INO80: variants seen among roughly 807,000 people sequenced by gnomAD.
INO80 encodes INO80 complex ATPase subunit.
In INO80, 20 loss-of-function variants were observed where a neutral mutation model predicts 203.4. That is an observed-to-expected ratio of 0.10 (90% CI 0.07 to 0.14). The LOEUF is 0.14. Among genes scored for constraint, INO80 ranks in the 10% least tolerant of loss-of-function variants. The pLI is 1.00. For missense variants in INO80, 1,419 were observed against 1,914.4 expected (o/e 0.74, Z 4.83); for synonymous variants, 726 against 685.2 (o/e 1.06, Z -0.93).
intron 4 of INO80, among the ~76,000 whole-genome samples, chr15:41,092,407 G>A (rs540304967): frequency 1.3e-5 from 2 of 152,210 alleles, no homozygotes. Context: ...CATGTTATCA[G>A]CAACAAGGCT....
chr15:41,071,751 G>A (rs758930934), intron 12 of INO80, 98 bp downstream of exon 12: 255 of 1,121,460 alleles, frequency 2.3e-4, no homozygotes, highest in Non-Finnish European at 3.2e-4. Flanking sequence ...ATGAGCCACC[G>A]CGCTCAGCCA....
chr15:41,079,957 T>C (rs1336023328), intron 8 of INO80, 53 bp from the exon 9 acceptor site: 1 of 1,501,306 alleles, frequency 6.7e-7, no homozygotes, highest in African/African-American at 1.4e-5. Flanking sequence ...AGAAGCTGGT[T>C]CTTCCTGGAC....
intron 27 of INO80, among the ~76,000 whole-genome samples, chr15:41,009,066 A>G (rs1470821287): frequency 9.2e-5 from 14 of 152,182 alleles, no homozygotes; most frequent in Admixed American, 9.2e-4. Context: ...TCCTGACCTC[A>G]GGTGATACAT....
intron 24 of INO80, among the ~76,000 whole-genome samples, chr15:41,040,515 C>T (rs1030883113): frequency 2.6e-5 from 4 of 152,134 alleles, no homozygotes; most frequent in South Asian, 2.1e-4. Context: ...GAATTATCTT[C>T]GCGAATTTGT....
chr15:41,016,138 G>A lies in INO80; in HGVS notation c.3352C>T (p.His1118Tyr). 6.2e-7 allele frequency: 1 copy of A among 1,613,452 alleles called. No individual in the cohort carries two copies. Among genetic ancestry groups the A allele is most frequent in the Non-Finnish European group, 8.5e-7 (1 of 1,179,496 alleles). ...ATCTGGGAGTAGATAAGGACCCTAT[G>A]CCCTTGAGACTTGAGCCGAGTCAGC... ...VLLTRLKSQGHRVLIYSQMTR... is the reference protein window; with the variant it reads ...VLLTRLKSQGYRVLIYSQMTR... The change falls in exon 27 of 36, where the codon CAT becomes TAT. Residue 1118 changes from histidine (H) to tyrosine (Y), a missense_variant. By Grantham distance (83) the His-to-Tyr change is moderately conservative. Around this residue, in one of 9 missense-constraint regions of INO80, gnomAD observed 302 missense variants for 345.4 expected, o/e 0.87. Coordinates refer to ENST00000648947, the MANE Select transcript of INO80 (RefSeq NM_017553.3).
At chr15:41,058,031 G>T (rs766362789) in intron 16 of INO80, among the ~76,000 whole-genome samples, 2 of 152,050 alleles carry the variant, frequency 1.3e-5, no homozygotes, top group Non-Finnish European at 2.9e-5. Context: ...AGAATAAAAG[G>T]ATTCTTGGAG....
chr15:41,023,768 C>CAAAAAAAAAAAAAAAAAAAAAAAAAAAA (rs139814568), intron 25 of INO80, among the ~76,000 whole-genome samples: 1 of 63,556 alleles, frequency 1.6e-5, no homozygotes, highest in African/African-American at 8.1e-5. Context: ...GACTCTGTCT[C>CAAAAAAAAAAAAAAAAAAAAAAAAAAAA]AAAAAAAAAA....
rs1893725186 is a variant in INO80, at chr15:40,979,338, T to C, written c.*885A>G. ...GCCGGTGCCGAGCCTGCCCCCTCTCTCCGCCCTCTTCACCTCACTCCTGCT... is the reference window on the plus strand; with the variant it reads ...GCCGGTGCCGAGCCTGCCCCCTCTCCCCGCCCTCTTCACCTCACTCCTGCT... On this transcript the variant is annotated 3_prime_UTR_variant, in exon 36 of 36. Coordinates refer to ENST00000648947, the MANE Select transcript of INO80 (RefSeq NM_017553.3). The C allele has an allele frequency of 2.0e-5, 3 of 152,832 alleles. No individual in the cohort carries two copies. Among genetic ancestry groups the C allele is most frequent in the Non-Finnish European group, 2.9e-5 (2 of 68,262 alleles). 9.5% of individuals were successfully genotyped at this position (152,832 alleles called of 1,614,324 possible). A position where few individuals can be genotyped will look rare whatever the true frequency, so the allele number is the denominator to read the frequency against.
chr15:41,078,384 T>C (rs79677411), intron 9 of INO80, among the ~76,000 whole-genome samples: 3,166 of 152,310 alleles, frequency 0.021, 44 homozygotes, highest in Non-Finnish European at 0.033. Context: ...ATCTAGAATA[T>C]AGGCCAAGTT....
chr15:40,999,818 G>GA (rs1248288398), intron 28 of INO80, among the ~76,000 whole-genome samples: 2 of 152,170 alleles, frequency 1.3e-5, no homozygotes, highest in Non-Finnish European at 2.9e-5. Context: ...AATAAAAACT[G>GA]ATTGAGCTTT....
At chr15:41,071,062 T>C (rs2045303731) in intron 12 of INO80, among the ~76,000 whole-genome samples, 1 of 151,938 alleles carries the variant, frequency 6.6e-6, no homozygotes, top group Non-Finnish European at 1.5e-5. Context: ...CCAGCTATTC[T>C]GGGGGCTGAG....
chr15:41,103,780 C>G (rs1304046641), intron 1 of INO80, among the ~76,000 whole-genome samples: 2 of 152,082 alleles, frequency 1.3e-5, no homozygotes, highest in Non-Finnish European at 2.9e-5. Flanking sequence ...AATTTAAAGA[C>G]CTTTATCATC....
At chr15:41,077,388 G>T (rs1393433135) in intron 9 of INO80, among the ~76,000 whole-genome samples, 3 of 146,654 alleles carry the variant, frequency 2.0e-5, no homozygotes, top group Non-Finnish European at 4.5e-5. Context: ...CCAAAAGGCT[G>T]AAAGTATATT....
At chr15:41,093,970 C>T (rs1219036047) in intron 4 of INO80, among the ~76,000 whole-genome samples, 1 of 152,144 alleles carries the variant, frequency 6.6e-6, no homozygotes, top group Non-Finnish European at 1.5e-5. Context: ...GCCTAAAGTG[C>T]AACTGATATT....
chr15:41,068,037 T>C (rs1457239064), intron 14 of INO80, among the ~76,000 whole-genome samples: 2 of 152,226 alleles, frequency 1.3e-5, no homozygotes, highest in South Asian at 2.1e-4. Context: ...CCTGAATTCT[T>C]TTCCTCTGAA....
chr15:40,992,324 CAG>C (rs1016942473), intron 29 of INO80, among the ~76,000 whole-genome samples: 2 of 152,224 alleles, frequency 1.3e-5, no homozygotes, highest in African/African-American at 2.4e-5. Flanking sequence ...CCTTACTAAA[CAG>C]AGTCAAATGC....
Position 41,069,594 on chromosome 15 carries a change from A to C in INO80, c.1758T>G (p.Phe586Leu). ...ASTLNNWHQE[F>L]TRFVPKFKVL... is the part of the protein sequence containing the mutation. The stretch of plus-strand genomic sequence containing the variant: ...CCTTAAATTTAGGAACAAATCTAGT[A>C]AACTCCTGGTGCCAATTGTTAAGTG... Residue 586 changes from phenylalanine to leucine, a missense_variant, in exon 14 of 36, where the codon TTT (phenylalanine) becomes TTG (leucine). Transcript: ENST00000648947. 1.2e-6 allele frequency: 2 copies of C among 1,604,540 alleles called. No individual in the cohort carries two copies. The highest frequency in any genetic ancestry group is 1.1e-5 in the South Asian group (1 of 90,070).
intron 24 of INO80, among the ~76,000 whole-genome samples, chr15:41,030,374 T>C (rs2044440219): frequency 6.6e-6 from 1 of 152,228 alleles, no homozygotes; most frequent in African/African-American, 2.4e-5. Context: ...CATTTATTTT[T>C]ATTTTTGGGA....
chr15:41,066,261 A>C (rs2045211788), intron 14 of INO80, among the ~76,000 whole-genome samples: 1 of 152,010 alleles, frequency 6.6e-6, no homozygotes, highest in Non-Finnish European at 1.5e-5. Context: ...TACAGGCGTG[A>C]GCCACCGCAC....
Sources: gnomAD v4.1 joint callset for allele counts (sites outside exome capture counted in the v4.1 genomes callset) on GRCh38, gnomAD v4.1.1 for gene constraint, gnomAD v4.1.1 regional missense constraint, MANE v1.5 for transcripts, NCBI Gene and HGNC (gene_info 2026-07-23, HGNC 2026-07-21) for gene names.